MFHAS1: variants seen among roughly 807,000 people sequenced by gnomAD.
MFHAS1 encodes malignant fibrous histiocytoma-amplified sequence 1.
Under a neutral mutation model 70.4 loss-of-function variants are expected in MFHAS1, and 50 were observed. The observed-to-expected ratio is 0.71, with a 90% confidence interval of 0.57 to 0.90. MFHAS1 has a LOEUF of 0.90. MFHAS1 is among the 40% of genes least tolerant of loss of function. MFHAS1 has a pLI of 0.00. For missense variants in MFHAS1, 1,795 were observed against 1,347.6 expected, an observed-to-expected ratio of 1.33 and a Z score of -5.20; for synonymous variants, 952 against 620.0, an observed-to-expected ratio of 1.54 and a Z score of -7.96.
chr8:8,807,382 T>C (rs1806333360), intron 1 of MFHAS1, among the ~76,000 whole-genome samples: 1 of 152,196 alleles, frequency 6.6e-6, no homozygotes, highest in African/African-American at 2.4e-5. Context: ...TTTCGGTCTC[T>C]GTGGTCCATT....
intron 1 of MFHAS1, among the ~76,000 whole-genome samples, chr8:8,888,774 G>C (rs948175795): frequency 6.6e-6 from 1 of 152,152 alleles, no homozygotes; most frequent in Non-Finnish European, 1.5e-5. Context: ...TATAATGGGG[G>C]ATACAGGTCA....
At chr8:8,844,043 C>T (rs543516063) in intron 1 of MFHAS1, among the ~76,000 whole-genome samples, 3 of 152,240 alleles carry the variant, frequency 2.0e-5, no homozygotes, top group East Asian at 3.9e-4. Flanking sequence ...GGCACAGAAA[C>T]GCAAATTCTA....
intron 1 of MFHAS1, among the ~76,000 whole-genome samples, chr8:8,865,913 A>C (rs1472948846): frequency 6.6e-6 from 1 of 152,178 alleles, no homozygotes; most frequent in Non-Finnish European, 1.5e-5. Flanking sequence ...GCAGCTACAG[A>C]ATGACTGTCC....
chr8:8,842,083 T>A lies in MFHAS1; in HGVS notation c.2999-44592A>T, dbSNP rs1358582058. On this transcript the variant is annotated intron_variant, in intron 1 of 2. Transcript: ENST00000276282. Reference sequence around the variant, plus strand: ...GGCTGCGCCTTTATAATCATCTTAGTAACCGGACAGCCTGCTGCAGGTTTT... The same window carrying A: ...GGCTGCGCCTTTATAATCATCTTAGAAACCGGACAGCCTGCTGCAGGTTTT... Among the ~76,000 whole-genome samples the A allele has an allele frequency of 1.3e-5, 2 of 152,200 alleles. 1 individual carries two copies. The highest frequency in any genetic ancestry group is 4.8e-5 in the African/African-American group (2 of 41,456).
Position 8,890,272 on chromosome 8 carries a change from G to A in MFHAS1, c.2787C>T (p.Tyr929=), listed in dbSNP as rs1382574191. The A allele has an allele frequency of 3.1e-6, 5 of 1,614,194 alleles. No individual in the cohort carries two copies. The highest frequency in any genetic ancestry group is 4.2e-6 in the Non-Finnish European group (5 of 1,180,028). The change falls in exon 1 of 3, where the codon TAC becomes TAT. Residue 929 remains tyrosine, a synonymous_variant. Coordinates refer to ENST00000276282, the MANE Select transcript of MFHAS1 (RefSeq NM_004225.3). ...YRGKVPVVVS[Y]RPARGVLQPD... ...GCTGCAGGACTCCCCTGGCAGGTCT[G>A]TAACTCACAACCACAGGAACTTTCC...
intron 1 of MFHAS1, among the ~76,000 whole-genome samples, chr8:8,856,981 A>AAG (rs1491423049): frequency 3.4e-4 from 1 of 2,960 alleles, no homozygotes; most frequent in African/African-American, 1.0e-3. Context: ...CAGGAAAGTG[A>AAG]AAAAAAAAAA....
intron 1 of MFHAS1, among the ~76,000 whole-genome samples, chr8:8,832,050 G>GCACA (rs777027390): frequency 7.7e-4 from 24 of 31,290 alleles, no homozygotes; most frequent in African/African-American, 1.6e-3. Context: ...GCACATGCAC[G>GCACA]CGCGCGCGCG....
intron 1 of MFHAS1, among the ~76,000 whole-genome samples, chr8:8,841,672 G>A (rs1252188928): frequency 6.6e-6 from 1 of 152,034 alleles, no homozygotes; most frequent in African/African-American, 2.4e-5. Context: ...CTCCTTCCAG[G>A]CTGCAGAGAG....
chr8:8,872,230 G>C (rs1443988773), intron 1 of MFHAS1, among the ~76,000 whole-genome samples: 1 of 152,088 alleles, frequency 6.6e-6, no homozygotes. Flanking sequence ...CAAAGAATCG[G>C]GATTCTTTTC....
chr8:8,852,173 G>A (rs1301449540), intron 1 of MFHAS1, among the ~76,000 whole-genome samples: 2 of 152,218 alleles, frequency 1.3e-5, no homozygotes, highest in East Asian at 1.9e-4. Flanking sequence ...TCATTAGCGT[G>A]AGTACTTAAA....
intron 1 of MFHAS1, among the ~76,000 whole-genome samples, chr8:8,874,711 T>C (rs951194182): frequency 6.6e-5 from 10 of 150,688 alleles, no homozygotes; most frequent in Non-Finnish European, 1.5e-4. Flanking sequence ...AAAAATGTTA[T>C]GAGGTTTTTT....
Position 8,892,479 on chromosome 8 carries a change from T to C in MFHAS1, c.580A>G (p.Thr194Ala). 6.2e-7 allele frequency: 1 copy of C among 1,607,046 alleles called. No homozygotes were observed. The highest frequency in any genetic ancestry group is 8.5e-7 in the Non-Finnish European group (1 of 1,176,828). Residue 194 changes from threonine to alanine, a missense_variant, in exon 1 of 3, where the codon ACT becomes GCT. Transcript: ENST00000276282. The surrounding 1 kb of genome is among the most constrained non-coding windows in gnomAD (Gnocchi z 4.7). ...RTLDVDHNQL[T>A]AFPRQLLQLV... Reference sequence around the variant, plus strand: ...TGCAGCAGCTGCCGGGGGAAGGCAGTGAGCTGGTTGTGATCCACGTCCAGG... The same window carrying C: ...TGCAGCAGCTGCCGGGGGAAGGCAGCGAGCTGGTTGTGATCCACGTCCAGG...
chr8:8,888,303 CCTGATA>C (rs1215098086), intron 1 of MFHAS1, among the ~76,000 whole-genome samples: 1 of 152,208 alleles, frequency 6.6e-6, no homozygotes, highest in African/African-American at 2.4e-5. Flanking sequence ...TCAATTCCTT[CCTGATA>C]CTATTACCAG....
intron 1 of MFHAS1, among the ~76,000 whole-genome samples, chr8:8,867,243 C>A (rs1808893581): frequency 6.6e-6 from 1 of 152,180 alleles, no homozygotes; most frequent in African/African-American, 2.4e-5. Flanking sequence ...TCAGCATATG[C>A]AAACCCACTA....
intron 1 of MFHAS1, among the ~76,000 whole-genome samples, chr8:8,842,582 C>T (rs1807873752): frequency 1.3e-5 from 2 of 152,154 alleles, no homozygotes; most frequent in Admixed American, 1.3e-4. Context: ...GCACTAGAAG[C>T]CTCATCCGTA....
At chr8:8,877,221 G>A (rs1039417282) in intron 1 of MFHAS1, among the ~76,000 whole-genome samples, 1 of 141,418 alleles carries the variant, frequency 7.1e-6, no homozygotes, top group African/African-American at 2.6e-5. Context: ...GATCACTGGA[G>A]CCCAGAAGGT....
intron 2 of MFHAS1, among the ~76,000 whole-genome samples, chr8:8,792,338 C>T (rs11997731): frequency 0.31 from 47,376 of 151,998 alleles, 8,423 homozygotes; most frequent in African/African-American, 0.47. Flanking sequence ...GCGTGGCTCA[C>T]GCCTGTAATC....
chr8:8,855,015 T>C (rs566258190), intron 1 of MFHAS1, among the ~76,000 whole-genome samples: 1 of 152,278 alleles, frequency 6.6e-6, no homozygotes, highest in South Asian at 2.1e-4. Context: ...GCTCAAGTGA[T>C]TCTCCCATCT....
At chr8:8,829,898 G>A (rs1405145261) in intron 1 of MFHAS1, among the ~76,000 whole-genome samples, 1 of 152,204 alleles carries the variant, frequency 6.6e-6, no homozygotes, top group Admixed American at 6.5e-5. Flanking sequence ...GGTGCCCAGA[G>A]GCCAGATGGT....
Sources: allele counts gnomAD v4.1 joint callset (sites outside exome capture counted in the v4.1 genomes callset), GRCh38; gene constraint gnomAD v4.1.1; non-coding constraint Gnocchi (gnomAD v3.1); transcripts MANE v1.5; gene names NCBI Gene and HGNC (gene_info 2026-07-23, HGNC 2026-07-21).